The following AHCYL2 variants were observed in gnomAD, a reference collection of about 807,000 sequenced individuals.
The protein encoded by AHCYL2 is adenosylhomocysteinase like 2.
Under a neutral mutation model 81.4 loss-of-function variants are expected in AHCYL2, and 28 were observed. The observed-to-expected ratio is 0.34, with a 90% CI of 0.25 to 0.47. AHCYL2 has a LOEUF of 0.47. Among genes scored for constraint, AHCYL2 ranks in the 20% least tolerant of loss-of-function variants. The probability of loss-of-function intolerance (pLI) is 1.00; values close to 1 mark genes in which losing one functional copy is unlikely to be tolerated. For missense variants in AHCYL2, 551 were observed against 785.1 expected (o/e 0.70, Z 3.56); for synonymous variants, 272 against 290.2 (o/e 0.94, Z 0.64).
chr7:129,352,807 G>A (rs1339531399), intron 1 of AHCYL2, among the ~76,000 whole-genome samples: 7 of 151,964 alleles, frequency 4.6e-5, no homozygotes, highest in Admixed American at 3.9e-4. Flanking sequence ...CACAGCAGCA[G>A]ATGTAAATAG....
intron 1 of AHCYL2, among the ~76,000 whole-genome samples, chr7:129,349,021 C>T (rs68184415): frequency 0.35 from 53,644 of 152,042 alleles, 10,194 homozygotes; most frequent in African/African-American, 0.51. Context: ...TTTCTCTTTA[C>T]AGCTAGGAAG....
In AHCYL2 at chr7:129,429,061, C is replaced by A. The variant is rs1797474463; in HGVS notation, c.*2016C>A. ...GTATTCTTAGACCAAAAATCATAAC[C>A]TGCTGTTTCTCAGCAAAGCCTTGCT... On this transcript the variant is annotated 3_prime_UTR_variant, in exon 17 of 17. Coordinates refer to ENST00000325006, the MANE Select transcript of AHCYL2 (RefSeq NM_015328.4). 1 of 152,200 alleles carries A rather than the reference C, an allele frequency of 6.6e-6. No homozygotes were observed. Among genetic ancestry groups the A allele is most frequent in the African/African-American group, 2.4e-5 (1 of 41,440 alleles). 9.4% of individuals were successfully genotyped at this position (152,200 alleles called of 1,614,324 possible).
chr7:129,230,139 C>T (rs1259928392), intron 1 of AHCYL2, among the ~76,000 whole-genome samples: 13 of 137,116 alleles, frequency 9.5e-5, no homozygotes, highest in African/African-American at 3.3e-4. Flanking sequence ...AGCTGGAGTG[C>T]AGTGGCGATC....
intron 1 of AHCYL2, among the ~76,000 whole-genome samples, chr7:129,275,490 C>T (rs1469250297): frequency 2.0e-5 from 3 of 152,064 alleles, no homozygotes; most frequent in Non-Finnish European, 4.4e-5. Flanking sequence ...AGAAATACAC[C>T]TAAGACATAA....
intron 13 of AHCYL2, among the ~76,000 whole-genome samples, chr7:129,423,249 A>G (rs961181199): frequency 6.6e-6 from 1 of 152,214 alleles, no homozygotes; most frequent in African/African-American, 2.4e-5. Context: ...ATACAAAGAG[A>G]TAATGTCACT....
At chr7:129,300,596 A>G (rs533695288) in intron 1 of AHCYL2, among the ~76,000 whole-genome samples, 3 of 152,346 alleles carry the variant, frequency 2.0e-5, no homozygotes, top group Admixed American at 6.5e-5. Context: ...GAACAGTGCT[A>G]CAACAAACAT....
intron 1 of AHCYL2, among the ~76,000 whole-genome samples, chr7:129,267,708 C>G (rs1373199087): frequency 2.0e-5 from 3 of 152,012 alleles, no homozygotes; most frequent in African/African-American, 7.3e-5. Context: ...TTGTAATTAT[C>G]TAAGTAAGAG....
chr7:129,240,795 T>C (rs1470073041), intron 1 of AHCYL2, among the ~76,000 whole-genome samples: 3 of 152,042 alleles, frequency 2.0e-5, no homozygotes, highest in Admixed American at 6.6e-5. Context: ...ACTGTGCCCA[T>C]GTGGAGGAAC....
intron 1 of AHCYL2, among the ~76,000 whole-genome samples, chr7:129,259,552 G>A (rs1224202133): frequency 6.6e-6 from 1 of 152,074 alleles, no homozygotes; most frequent in Admixed American, 6.6e-5. Flanking sequence ...TACTGTACTT[G>A]TTTACTACCC....
At position 129,233,573 on chromosome 7, in the gene AHCYL2, C is replaced by T. The variant is rs372163979; in HGVS notation, c.363+8134C>T. ...CGCGATCTCCGCTCACTGCAACCTC[C>T]GCCTCCCGGGTTCAAGCGATTCTCC... is the stretch of plus-strand genomic sequence containing the variant. On this transcript the variant is annotated intron_variant, in intron 1 of 16. Transcript: ENST00000325006. Among the ~76,000 whole-genome samples, 42 of 152,022 alleles carry T rather than the reference C, an allele frequency of 2.8e-4. No individual in the cohort carries two copies. The South Asian group carries it at 3.7e-3, about 14-fold the overall frequency.
chr7:129,429,157 A>G lies in AHCYL2; in HGVS notation c.*2112A>G, dbSNP rs1797479125. The G allele has an allele frequency of 6.6e-6, 1 of 152,206 alleles. No homozygotes were observed. Among genetic ancestry groups the G allele is most frequent in the African/African-American group, 2.4e-5 (1 of 41,456 alleles). 9.4% of individuals were successfully genotyped at this position (152,206 alleles called of 1,614,324 possible). ...TTGCTGTAGTGAAGAGACCCACTCCAAATAAAAAAGGGGCCACACGGGGCT... is the reference window on the plus strand; with the variant it reads ...TTGCTGTAGTGAAGAGACCCACTCCGAATAAAAAAGGGGCCACACGGGGCT... On this transcript the variant is annotated 3_prime_UTR_variant, in exon 17 of 17. Coordinates refer to ENST00000325006, the MANE Select transcript of AHCYL2 (RefSeq NM_015328.4).
intron 12 of AHCYL2, among the ~76,000 whole-genome samples, chr7:129,414,165 A>C (rs974880340): frequency 5.3e-5 from 8 of 152,144 alleles, no homozygotes. Context: ...TGTATCAAAT[A>C]CTGCGGTTTC....
chr7:129,325,388 T>C (rs1177138432), intron 1 of AHCYL2, among the ~76,000 whole-genome samples: 1 of 152,238 alleles, frequency 6.6e-6, no homozygotes, highest in Non-Finnish European at 1.5e-5. Flanking sequence ...AGAAGTCTGT[T>C]GTTAACCATA....
At chr7:129,247,783 G>T (rs965587240) in intron 1 of AHCYL2, among the ~76,000 whole-genome samples, 5 of 151,970 alleles carry the variant, frequency 3.3e-5, no homozygotes, top group East Asian at 3.9e-4. Flanking sequence ...TCTATTTTTC[G>T]TAGAGAAGGG....
intron 1 of AHCYL2, among the ~76,000 whole-genome samples, chr7:129,285,459 T>C (rs1796594509): frequency 1.3e-5 from 2 of 152,000 alleles, no homozygotes; most frequent in Admixed American, 1.3e-4. Flanking sequence ...CCAGGAAGGA[T>C]TGTTTTGCCA....
At chr7:129,386,119 A>G (rs966120191) in intron 2 of AHCYL2, among the ~76,000 whole-genome samples, 1 of 152,134 alleles carries the variant, frequency 6.6e-6, no homozygotes, top group Non-Finnish European at 1.5e-5. Flanking sequence ...TAGTAGTACA[A>G]TCTAGACAAC....
At chr7:129,382,549 A>G (rs1795008592) in intron 2 of AHCYL2, among the ~76,000 whole-genome samples, 1 of 152,076 alleles carries the variant, frequency 6.6e-6, no homozygotes, top group Non-Finnish European at 1.5e-5. Context: ...GCAGTGGGCC[A>G]AGATTGTGCC....
At chr7:129,381,599 T>G (rs971716298) in intron 2 of AHCYL2, among the ~76,000 whole-genome samples, 2 of 152,236 alleles carry the variant, frequency 1.3e-5, no homozygotes, top group Admixed American at 6.5e-5. Context: ...CTCATTCTGC[T>G]TCCCTCTAAT....
At position 129,405,191 on chromosome 7, in the gene AHCYL2, T is replaced by A. The variant is rs1180049398; in HGVS notation, c.1120T>A (p.Cys374Ser). 6.2e-7 allele frequency: 1 copy of A among 1,607,870 alleles called. No homozygotes were observed. The highest frequency in any genetic ancestry group is 1.1e-5 in the South Asian group (1 of 90,388). ...TKQKFDNLYC[C>S]RESILDGLKR... ...ACAGAAATTTGACAACCTCTACTGT[T>A]GCCGTGAATCAATTCTTGATGGGTA... is the stretch of plus-strand genomic sequence containing the variant. The change falls in exon 8 of 17, where the codon TGC (cysteine) becomes AGC (serine). Residue 374 changes from cysteine to serine, a missense_variant. Physicochemically the swap from Cys to Ser is moderately radical, Grantham distance 112. Coordinates refer to ENST00000325006, the MANE Select transcript of AHCYL2 (RefSeq NM_015328.4).
Sources: gnomAD v4.1 joint callset for allele counts (sites outside exome capture counted in the v4.1 genomes callset) on GRCh38, gnomAD v4.1.1 for gene constraint, MANE v1.5 for transcripts, NCBI Gene and HGNC (gene_info 2026-07-23, HGNC 2026-07-21) for gene names.